IL3RA: variants seen among roughly 807,000 people sequenced by gnomAD.
IL3RA encodes the protein interleukin-3 receptor subunit alpha.
Under a neutral mutation model 52.3 loss-of-function variants are expected in IL3RA, and 73 were observed. That is an observed-to-expected ratio of 1.40 (90% CI 1.16 to 1.70). The LOEUF (loss-of-function observed/expected upper bound fraction) is 1.70, where lower values mean the gene tolerates loss of function less well. IL3RA is among the 40% of genes most tolerant of loss of function. IL3RA has a pLI of 0.00. For synonymous variants in IL3RA, 260 were observed against 194.0 expected (o/e 1.34, Z -2.83); for missense variants, 664 against 504.4 (o/e 1.32, Z -3.03).
intron 9 of IL3RA, among the ~76,000 whole-genome samples, chrX:1,366,350 C>A (rs866140790): frequency 3.9e-4 from 10 of 25,758 alleles, no homozygotes; most frequent in South Asian, 3.2e-3. Context: ...GAGCCGGGTG[C>A]GCGGGGTGAG....
Position 1,358,713 on chromosome X carries a change from A to G in IL3RA, c.733-148A>G, listed in dbSNP as rs1202402116. On this transcript the variant is annotated intron_variant, in intron 7 of 11. Coordinates refer to ENST00000331035, the MANE Select transcript of IL3RA (RefSeq NM_002183.4). ...TCAGGTGCTATTTACTCCTAAGCTC[A>G]TTATTTTGCCCCCACTGCTGCCCGA... is the stretch of plus-strand genomic sequence containing the variant. 30 of 639,290 alleles carry G rather than the reference A, an allele frequency of 4.7e-5. No individual in the cohort carries two copies. In the East Asian group the frequency reaches 8.5e-4, roughly 18 times the overall value. The allele number at this position is 639,290 out of a possible 1,614,324, so 39.6% of individuals were successfully genotyped here.
chrX:1,379,533 A>T (rs1431852780), intron 10 of IL3RA, among the ~76,000 whole-genome samples: 1 of 152,186 alleles, frequency 6.6e-6, no homozygotes, highest in Non-Finnish European at 1.5e-5. Flanking sequence ...CTGTAGAGCC[A>T]AAGCTGAGGG....
intron 2 of IL3RA, among the ~76,000 whole-genome samples, chrX:1,345,025 C>G (rs1325834756): frequency 7.5e-6 from 1 of 133,608 alleles, no homozygotes; most frequent in Non-Finnish European, 1.7e-5. Flanking sequence ...AAAAATTAGC[C>G]GGGCGTGGTG....
At chrX:1,354,487 G>A (rs2086466015) in intron 6 of IL3RA, among the ~76,000 whole-genome samples, 1 of 142,070 alleles carries the variant, frequency 7.0e-6, no homozygotes, top group Non-Finnish European at 1.5e-5. Flanking sequence ...GGAAGAACAT[G>A]AGCAGGGGGA....
chrX:1,357,146 G>T (rs2086797171), intron 7 of IL3RA, among the ~76,000 whole-genome samples: 1 of 152,004 alleles, frequency 6.6e-6, no homozygotes, highest in Admixed American at 6.6e-5. Context: ...TAGAAACAGA[G>T]TTTCATCATG....
In IL3RA at chrX:1,345,373, G is replaced by C. The variant is rs765982455; in HGVS notation, c.122G>C (p.Trp41Ser). 6.2e-7 allele frequency: 1 copy of C among 1,611,258 alleles called. No homozygotes were observed. The highest frequency in any genetic ancestry group is 1.1e-5 in the South Asian group (1 of 90,766). Residue 41 changes from tryptophan (W) to serine (S), a missense_variant, in exon 3 of 12, where the codon TGG becomes TCG. Physicochemically the swap from Trp to Ser is radical, Grantham distance 177 (BLOSUM62 -3). Transcript: ENST00000331035. ...RMKAKAQQLT[W>S]DLNRNVTDIE... ...AAAGCAAAGGCTCAGCAGTTGACCT[G>C]GGACCTTAACAGAAATGTGACCGAT...
chrX:1,357,488 T>C (rs755133515), intron 7 of IL3RA, among the ~76,000 whole-genome samples: 2 of 151,734 alleles, frequency 1.3e-5, no homozygotes, highest in South Asian at 2.1e-4. Flanking sequence ...GCCTCCTGAG[T>C]AGCTGGAATT....
intron 4 of IL3RA, 103 bp downstream of exon 4, chrX:1,348,648 TTCTTTCTTTCTTTCTTTCTTTC>T: frequency 3.4e-6 from 1 of 292,884 alleles, no homozygotes; most frequent in South Asian, 5.3e-5. Flanking sequence ...CTTTTTCTCT[TTCTTTCTTTCTTTCTTTCTTTC>T]TTTCTTTCTT....
chrX:1,360,682 C>G (rs2087195102), intron 8 of IL3RA, among the ~76,000 whole-genome samples: 1 of 143,174 alleles, frequency 7.0e-6, no homozygotes, highest in Non-Finnish European at 1.5e-5. Flanking sequence ...CCATGCCCAA[C>G]TAACTTTTTT....
chrX:1,360,131 CCG>C (rs199904534), intron 8 of IL3RA, among the ~76,000 whole-genome samples: 1 of 144,876 alleles, frequency 6.9e-6, no homozygotes, highest in Non-Finnish European at 1.5e-5. Flanking sequence ...GTCTCTTTCT[CCG>C]TGTCTGTCTC....
chrX:1,347,900 G>A (rs1477008085), intron 3 of IL3RA, among the ~76,000 whole-genome samples: 4 of 151,614 alleles, frequency 2.6e-5, no homozygotes, highest in East Asian at 3.9e-4. Flanking sequence ...AGCCGGGCGT[G>A]GTGGCGGGCG....
At chrX:1,376,673 A>G (rs6645276) in intron 9 of IL3RA, among the ~76,000 whole-genome samples, 36,480 of 90,792 alleles carry the variant, frequency 0.4, 6,077 homozygotes, top group African/African-American at 0.59. Flanking sequence ...CCCAGGAGAG[A>G]GGCCTCAGGA....
intron 3 of IL3RA, among the ~76,000 whole-genome samples, chrX:1,346,337 G>T (rs1271741559): frequency 1.3e-5 from 2 of 151,990 alleles, no homozygotes; most frequent in African/African-American, 4.8e-5. Context: ...TACTTGGGAG[G>T]CTGAGGCAGG....
At chrX:1,352,063 T>C in intron 4 of IL3RA, 37 bp from the exon 5 acceptor site, 1 of 1,609,420 alleles carries the variant, frequency 6.2e-7, no homozygotes, top group South Asian at 1.1e-5. Context: ...CCGCGCCCGG[T>C]CCCGATTCGA....
At chrX:1,378,618 G>T in intron 9 of IL3RA, 41 bp from the exon 10 acceptor site, 2 of 1,556,322 alleles carry the variant, frequency 1.3e-6, no homozygotes, top group Non-Finnish European at 1.8e-6. Flanking sequence ...GTCCCCCCAG[G>T]ACGGCCCCCG....
At chrX:1,346,992 A>G (rs2085768834) in intron 3 of IL3RA, among the ~76,000 whole-genome samples, 1 of 151,236 alleles carries the variant, frequency 6.6e-6, no homozygotes, top group South Asian at 2.1e-4. Context: ...TCCCAGAGCG[A>G]TTTTACCATA....
Position 1,367,711 on chromosome X carries a change from GGGTGA to G in IL3RA, c.874+2461_874+2465del, listed in dbSNP as rs1384470581. ...GTGCGCGGGGTGAGCCGGGTGCGCG[GGGTGA>G]GCGGGGTGCGCCGGGTGAGCGGGGT... On this transcript the variant is annotated intron_variant, in intron 9 of 11. Transcript: ENST00000331035. Among the ~76,000 whole-genome samples, 326 of 120,652 alleles carry G rather than the reference GGGTGA, an allele frequency of 2.7e-3. 1 individual carries two copies. Among genetic ancestry groups the G allele is most frequent in the Middle Eastern group, 5.1e-3 (1 of 198 alleles). The allele number at this position is 120,652 out of a possible 152,430, so 79.2% of individuals were successfully genotyped here.
chrX:1,348,624 G>C (rs2085887582), intron 4 of IL3RA, 79 bp downstream of exon 4: 2 of 879,636 alleles, frequency 2.3e-6, no homozygotes, highest in Non-Finnish European at 3.6e-6. Flanking sequence ...CCTTCGCTGT[G>C]TCTTTTTTCT....
intron 6 of IL3RA, among the ~76,000 whole-genome samples, chrX:1,354,344 C>T (rs2086449412): frequency 2.6e-5 from 4 of 151,998 alleles, no homozygotes; most frequent in Admixed American, 2.6e-4. Context: ...AGGAACCTCC[C>T]AGGTGGTGAG....
Sources: allele counts gnomAD v4.1 joint callset (sites outside exome capture counted in the v4.1 genomes callset), GRCh38; gene constraint gnomAD v4.1.1; transcripts MANE v1.5; gene names NCBI Gene and HGNC (gene_info 2026-07-23, HGNC 2026-07-21).